The following PRR16 variants were observed in gnomAD, a reference collection of about 807,000 sequenced individuals.
PRR16 encodes the protein protein Largen.
Under a neutral mutation model 18.2 loss-of-function variants are expected in PRR16, and 6 were observed. That is an observed-to-expected ratio of 0.33 (90% CI 0.18 to 0.65). PRR16 has a LOEUF of 0.65. Ranked by LOEUF, PRR16 falls within the 30% of genes least tolerant of loss-of-function variation. The pLI is 0.74. For missense variants in PRR16, 412 were observed against 376.6 expected (o/e 1.09, Z -0.78); for synonymous variants, 151 against 147.8 (o/e 1.02, Z -0.16).
intron 1 of PRR16, among the ~76,000 whole-genome samples, chr5:120,531,171 A>G (rs17425658): frequency 0.015 from 2,331 of 152,310 alleles, 22 homozygotes; most frequent in Middle Eastern, 0.13. Flanking sequence ...CATAGGAAGT[A>G]AAACTGTCCA....
At chr5:120,584,089 C>T (rs909019077) in intron 1 of PRR16, among the ~76,000 whole-genome samples, 111 of 152,164 alleles carry the variant, frequency 7.3e-4, no homozygotes, top group African/African-American at 2.7e-3. Flanking sequence ...CAAGGGAGGT[C>T]TTCTAGGCGA....
the PRR16 span, among the ~76,000 whole-genome samples, chr5:120,766,829 G>GA: frequency 1.3e-5 from 2 of 151,704 alleles, no homozygotes; most frequent in African/African-American, 4.8e-5. Flanking sequence ...GCCAGTAAAT[G>GA]AAAAAAATGG....
chr5:120,499,041 T>C (rs1488291728), intron 1 of PRR16, among the ~76,000 whole-genome samples: 1 of 152,128 alleles, frequency 6.6e-6, no homozygotes, highest in African/African-American at 2.4e-5. Flanking sequence ...TTTCTCAGTT[T>C]CTTCAATCTG....
chr5:120,790,504 A>C, the PRR16 span: 1 of 151,606 alleles, frequency 6.6e-6, no homozygotes, highest in African/African-American at 2.4e-5. Context: ...AGCAATGCAC[A>C]GTCTTAGGAC....
At chr5:120,595,064 A>G (rs1223606432) in intron 1 of PRR16, among the ~76,000 whole-genome samples, 1 of 152,040 alleles carries the variant, frequency 6.6e-6, no homozygotes, top group East Asian at 1.9e-4. Flanking sequence ...CATCATGACG[A>G]AGGACCAAGT....
At chr5:120,769,834 C>T in the PRR16 span, among the ~76,000 whole-genome samples, 1 of 151,846 alleles carries the variant, frequency 6.6e-6, no homozygotes, top group African/African-American at 2.4e-5. Flanking sequence ...CAACAGTGTA[C>T]AAAGGTTCTA....
chr5:120,619,342 T>A (rs1754614088), intron 1 of PRR16, among the ~76,000 whole-genome samples: 2 of 152,158 alleles, frequency 1.3e-5, no homozygotes, highest in Admixed American at 6.6e-5. Flanking sequence ...ACTGTTGAAG[T>A]AATTATAAAG....
intron 1 of PRR16, among the ~76,000 whole-genome samples, chr5:120,673,343 C>T (rs141216715): frequency 6.6e-6 from 1 of 152,192 alleles, no homozygotes; most frequent in African/African-American, 2.4e-5. Flanking sequence ...ATTTCAAGTG[C>T]AGCTCACAAA....
At chr5:120,572,589 CA>C (rs1752943219) in intron 1 of PRR16, among the ~76,000 whole-genome samples, 1 of 151,980 alleles carries the variant, frequency 6.6e-6, no homozygotes, top group Non-Finnish European at 1.5e-5. Context: ...GAGCTTTGAG[CA>C]GAGAGATATT....
chr5:120,686,285 A>G lies in PRR16; in HGVS notation c.491A>G (p.Asn164Ser), dbSNP rs1197442532. ...AATGGAGGCTTACCAGGTGGACCTAACAAAATTCCAAATGGAGATATCTGC... is the reference window on the plus strand; with the variant it reads ...AATGGAGGCTTACCAGGTGGACCTAGCAAAATTCCAAATGGAGATATCTGC... ...LRNGGLPGGP[N>S]KIPNGDICCI... Residue 164 changes from asparagine (N) to serine (S), a missense_variant, in exon 2 of 2, where the codon AAC becomes AGC. Physicochemically the swap from Asn to Ser is conservative, Grantham distance 46. Transcript: ENST00000407149. 3 of 1,614,142 alleles carry G rather than the reference A, an allele frequency of 1.9e-6. No homozygotes were observed. Among genetic ancestry groups the G allele is most frequent in the Non-Finnish European group, 2.5e-6 (3 of 1,180,034 alleles).
At chr5:120,787,549 T>C in the PRR16 span, among the ~76,000 whole-genome samples, 1 of 152,152 alleles carries the variant, frequency 6.6e-6, no homozygotes. Flanking sequence ...TTCCATAAGA[T>C]ACCTAAAAAT....
At chr5:120,586,480 G>A (rs1358882580) in intron 1 of PRR16, among the ~76,000 whole-genome samples, 1 of 151,942 alleles carries the variant, frequency 6.6e-6, no homozygotes, top group African/African-American at 2.4e-5. Context: ...AAATTTGTCA[G>A]CACTTTTTTT....
At chr5:120,545,698 A>G (rs1752053774) in intron 1 of PRR16, among the ~76,000 whole-genome samples, 1 of 152,138 alleles carries the variant, frequency 6.6e-6, no homozygotes, top group African/African-American at 2.4e-5. Flanking sequence ...GAATATTAAT[A>G]CCATATTACA....
chr5:120,583,200 A>G (rs572115113), intron 1 of PRR16, among the ~76,000 whole-genome samples: 1 of 152,278 alleles, frequency 6.6e-6, no homozygotes, highest in South Asian at 2.1e-4. Context: ...CTTCCACTGT[A>G]TCGTATTGGT....
At chr5:120,712,207 T>G in the PRR16 span, among the ~76,000 whole-genome samples, 4 of 152,198 alleles carry the variant, frequency 2.6e-5, no homozygotes, top group East Asian at 7.7e-4. Context: ...GTTACCTCCT[T>G]TGTGCGTGGT....
chr5:120,712,785 C>T, the PRR16 span, among the ~76,000 whole-genome samples: 5 of 152,000 alleles, frequency 3.3e-5, no homozygotes, highest in African/African-American at 1.2e-4. Context: ...ATCATTTATA[C>T]TTGGTTAGCT....
At chr5:120,662,637 G>A (rs1409391211) in intron 1 of PRR16, among the ~76,000 whole-genome samples, 1 of 151,958 alleles carries the variant, frequency 6.6e-6, no homozygotes, top group Admixed American at 6.6e-5. Flanking sequence ...TGTTTATAGA[G>A]TCACCTTGCC....
the PRR16 span, among the ~76,000 whole-genome samples, chr5:120,742,360 A>T: frequency 2.0e-5 from 3 of 149,644 alleles, no homozygotes; most frequent in Non-Finnish European, 4.4e-5. Flanking sequence ...GAAAATTTGG[A>T]AAGTTTATAA....
chr5:120,578,898 C>T (rs576451875), intron 1 of PRR16, among the ~76,000 whole-genome samples: 85 of 152,232 alleles, frequency 5.6e-4, no homozygotes, highest in Non-Finnish European at 9.7e-4. Flanking sequence ...TCCGCACCCT[C>T]GCCAGCATCT....
Sources: gnomAD v4.1 joint callset for allele counts (sites outside exome capture counted in the v4.1 genomes callset) on GRCh38, gnomAD v4.1.1 for gene constraint, MANE v1.5 for transcripts, NCBI Gene and HGNC (gene_info 2026-07-23, HGNC 2026-07-21) for gene names.